CHRNA7: variants seen among roughly 807,000 people sequenced by gnomAD.
The protein encoded by CHRNA7 is cholinergic receptor nicotinic alpha 7 subunit, also known as neuronal acetylcholine receptor subunit alpha-7.
Under a neutral mutation model 48.0 loss-of-function variants are expected in CHRNA7, and 17 were observed. That is an observed-to-expected ratio of 0.35 (90% CI 0.24 to 0.53). The LOEUF is 0.53. CHRNA7 is among the 20% of genes least tolerant of loss of function. The pLI is 0.92. For synonymous variants in CHRNA7, 75 were observed against 242.3 expected, an observed-to-expected ratio of 0.31 and a Z score of 6.41; for missense variants, 155 against 577.7, an observed-to-expected ratio of 0.27 and a Z score of 7.50.
intron 4 of CHRNA7, among the ~76,000 whole-genome samples, chr15:32,147,766 A>G (rs920280006): frequency 3.3e-5 from 5 of 152,162 alleles, no homozygotes; most frequent in African/African-American, 1.2e-4. Flanking sequence ...TGCTGATTGC[A>G]GACCCTCAAC....
At chr15:32,110,702 T>G (rs1472907410) in intron 3 of CHRNA7, among the ~76,000 whole-genome samples, 1 of 152,230 alleles carries the variant, frequency 6.6e-6, no homozygotes, top group Non-Finnish European at 1.5e-5. Context: ...TTGATGTTGT[T>G]TTCGTAACTT....
At chr15:32,141,136 A>G (rs544373288) in intron 4 of CHRNA7, among the ~76,000 whole-genome samples, 3 of 152,336 alleles carry the variant, frequency 2.0e-5, no homozygotes, top group Admixed American at 2.0e-4. Context: ...AGCTTTATAC[A>G]TATGGCTAGC....
Position 32,044,599 on chromosome 15 carries a change from T to C in CHRNA7, c.195+13562T>C, listed in dbSNP as rs117033478. ...CCTAGATATTTCTTTAGATATGGCT[T>C]CTGCTCTATTTTTTCTGCCTTCCCT... On this transcript the variant is annotated intron_variant, in intron 2 of 9. Coordinates refer to ENST00000306901, the MANE Select transcript of CHRNA7 (RefSeq NM_000746.6). 3.0e-3 allele frequency among the ~76,000 whole-genome samples: 453 copies of C among 152,316 alleles called. 3 individuals are homozygous for C. The highest frequency in any genetic ancestry group is 5.2e-3 in the Non-Finnish European group (355 of 68,026).
At chr15:32,091,688 A>G (rs545146684) in intron 2 of CHRNA7, among the ~76,000 whole-genome samples, 1 of 152,286 alleles carries the variant, frequency 6.6e-6, no homozygotes, top group East Asian at 1.9e-4. Context: ...ACGAAAGAGA[A>G]TCTTTTCTAT....
chr15:32,145,424 G>A (rs572916801), intron 4 of CHRNA7, among the ~76,000 whole-genome samples: 33 of 152,300 alleles, frequency 2.2e-4, no homozygotes, highest in Admixed American at 2.6e-4. Flanking sequence ...CTTGAACGCC[G>A]TGCTGGGAGA....
chr15:32,136,926 G>A lies in CHRNA7; in HGVS notation c.351-16981G>A, dbSNP rs2051272601. On this transcript the variant is annotated intron_variant, in intron 4 of 9. Transcript: ENST00000306901. Reference sequence around the variant, plus strand: ...GGGCGCCTGTAGTCCCAGCTACTTGGGAGGCTGAGGCAGGAGAATGGCGTG... The same window carrying A: ...GGGCGCCTGTAGTCCCAGCTACTTGAGAGGCTGAGGCAGGAGAATGGCGTG... Among the ~76,000 whole-genome samples, 4 of 149,366 alleles carry A rather than the reference G, an allele frequency of 2.7e-5. No individual in the cohort carries two copies. In the South Asian group the frequency reaches 8.6e-4, roughly 32 times the overall value.
intron 2 of CHRNA7, among the ~76,000 whole-genome samples, chr15:32,073,067 C>T (rs2050083337): frequency 6.6e-6 from 1 of 152,212 alleles, no homozygotes; most frequent in African/African-American, 2.4e-5. Flanking sequence ...AGCTTGCACC[C>T]TGAGCCCAGC....
chr15:32,077,775 T>G (rs1457867305), intron 2 of CHRNA7, among the ~76,000 whole-genome samples: 1 of 151,948 alleles, frequency 6.6e-6, no homozygotes, highest in African/African-American at 2.4e-5. Flanking sequence ...TAGCAGAAGG[T>G]GAAGGAGGAG....
At chr15:32,109,331 T>C (rs2050724831) in intron 3 of CHRNA7, among the ~76,000 whole-genome samples, 1 of 152,174 alleles carries the variant, frequency 6.6e-6, no homozygotes, top group Non-Finnish European at 1.5e-5. Context: ...ATCTTGGTTT[T>C]GGTGGGATTC....
chr15:32,043,659 T>C (rs1190140220), intron 2 of CHRNA7, among the ~76,000 whole-genome samples: 1 of 152,218 alleles, frequency 6.6e-6, no homozygotes, highest in Non-Finnish European at 1.5e-5. Context: ...CCAATTTATC[T>C]ACTGTTATTG....
At chr15:32,088,285 T>G (rs2050330561) in intron 2 of CHRNA7, among the ~76,000 whole-genome samples, 1 of 152,240 alleles carries the variant, frequency 6.6e-6, no homozygotes, top group Admixed American at 6.5e-5. Context: ...CATTTTATAC[T>G]TGAATAATAT....
intron 4 of CHRNA7, among the ~76,000 whole-genome samples, chr15:32,145,796 G>A (rs1003073240): frequency 6.6e-6 from 1 of 152,228 alleles, no homozygotes; most frequent in African/African-American, 2.4e-5. Context: ...ATTTGGGCGG[G>A]AGTGTACTGT....
At chr15:32,142,117 T>C (rs1000254558) in intron 4 of CHRNA7, among the ~76,000 whole-genome samples, 9 of 152,038 alleles carry the variant, frequency 5.9e-5, no homozygotes, top group African/African-American at 1.9e-4. Flanking sequence ...TTATTGAGAG[T>C]TTTTAGCATG....
chr15:32,034,427 A>G (rs992768540), intron 2 of CHRNA7, among the ~76,000 whole-genome samples: 1 of 152,228 alleles, frequency 6.6e-6, no homozygotes, highest in Admixed American at 6.5e-5. Flanking sequence ...ATAGTTTTAT[A>G]GACCCTTTTG....
chr15:32,118,207 CAG>C (rs905026077), intron 4 of CHRNA7, among the ~76,000 whole-genome samples: 1 of 152,186 alleles, frequency 6.6e-6, no homozygotes, highest in African/African-American at 2.4e-5. Flanking sequence ...CTTGGCACTA[CAG>C]AGAGTCCCCA....
intron 2 of CHRNA7, among the ~76,000 whole-genome samples, chr15:32,096,881 A>G (rs1002821025): frequency 6.6e-6 from 1 of 152,210 alleles, no homozygotes; most frequent in African/African-American, 2.4e-5. Flanking sequence ...GAAGGGAGTT[A>G]GGCGCGTTGA....
intron 2 of CHRNA7, among the ~76,000 whole-genome samples, chr15:32,077,514 A>G (rs2141227534): frequency 6.6e-6 from 1 of 152,136 alleles, no homozygotes; most frequent in Middle Eastern, 3.4e-3. Context: ...GTGGTATCTC[A>G]TTGTTGTTTT....
At chr15:32,105,502 AAGGAGG>A (rs916546564) in intron 3 of CHRNA7, among the ~76,000 whole-genome samples, 1 of 148,590 alleles carries the variant, frequency 6.7e-6, no homozygotes, top group African/African-American at 2.5e-5. Flanking sequence ...GAGAGGAGGA[AAGGAGG>A]AGGAGGAGGA....
intron 4 of CHRNA7, among the ~76,000 whole-genome samples, chr15:32,138,793 G>A (rs548196082): frequency 4.0e-4 from 58 of 143,602 alleles, no homozygotes; most frequent in African/African-American, 1.3e-3. Context: ...TCGCTCTGTC[G>A]CCCAGGCTGG....
Sources: allele counts gnomAD v4.1 joint callset (sites outside exome capture counted in the v4.1 genomes callset), GRCh38; gene constraint gnomAD v4.1.1; transcripts MANE v1.5; gene names NCBI Gene and HGNC (gene_info 2026-07-23, HGNC 2026-07-21).